FAM135A: variants seen among roughly 807,000 people sequenced by gnomAD.
FAM135A encodes the protein protein FAM135A.
Under a neutral mutation model 146.8 loss-of-function variants are expected in FAM135A, and 79 were observed. That is an observed-to-expected ratio of 0.54 (90% CI 0.45 to 0.65). FAM135A has a LOEUF of 0.65. Among genes scored for constraint, FAM135A ranks in the 30% least tolerant of loss-of-function variants. FAM135A has a pLI of 0.00. For missense variants in FAM135A, 1,623 were observed against 1,758.2 expected, an observed-to-expected ratio of 0.92 and a Z score of 1.38; for synonymous variants, 562 against 603.6, an observed-to-expected ratio of 0.93 and a Z score of 1.01.
At chr6:70,494,210 C>T (rs1388794078) in intron 11 of FAM135A, among the ~76,000 whole-genome samples, 1 of 151,960 alleles carries the variant, frequency 6.6e-6, no homozygotes, top group Non-Finnish European at 1.5e-5. Flanking sequence ...AGCCGGTACA[C>T]TAAAATGAAC....
intron 18 of FAM135A, among the ~76,000 whole-genome samples, chr6:70,534,582 G>C (rs112374062): frequency 0.17 from 25,664 of 151,892 alleles, 2,255 homozygotes; most frequent in Middle Eastern, 0.21. Context: ...AAAGTGCTGG[G>C]ATTACAGATG....
chr6:70,470,769 C>T (rs188752195), intron 5 of FAM135A, among the ~76,000 whole-genome samples: 7 of 152,304 alleles, frequency 4.6e-5, no homozygotes, highest in Non-Finnish European at 8.8e-5. Flanking sequence ...CTGGCTATCA[C>T]ACAGTGAGCT....
At chr6:70,473,084 A>T (rs1271077636) in intron 5 of FAM135A, among the ~76,000 whole-genome samples, 2 of 152,138 alleles carry the variant, frequency 1.3e-5, no homozygotes, top group Non-Finnish European at 2.9e-5. Flanking sequence ...CTGTTTACTC[A>T]ATGGATGTTA....
At chr6:70,541,333 T>G (rs532753595) in intron 20 of FAM135A, among the ~76,000 whole-genome samples, 1 of 152,274 alleles carries the variant, frequency 6.6e-6, no homozygotes, top group African/African-American at 2.4e-5. Flanking sequence ...TTTTTTCACT[T>G]TTTTGGTTTC....
intron 16 of FAM135A, among the ~76,000 whole-genome samples, 164 bp downstream of exon 16, chr6:70,528,616 T>C (rs1219546182): frequency 6.6e-6 from 1 of 152,236 alleles, no homozygotes; most frequent in African/African-American, 2.4e-5. Flanking sequence ...TTAATTTTAA[T>C]TATCCTAAGT....
At chr6:70,494,530 A>G (rs1229325599) in intron 11 of FAM135A, among the ~76,000 whole-genome samples, 2 of 152,068 alleles carry the variant, frequency 1.3e-5, no homozygotes, top group African/African-American at 2.4e-5. Flanking sequence ...ACACAAATGT[A>G]AAGTCTTATT....
chr6:70,502,917 T>G (rs911561762), intron 12 of FAM135A, 126 bp downstream of exon 12: 13 of 978,312 alleles, frequency 1.3e-5, no homozygotes, highest in Non-Finnish European at 1.8e-5. Flanking sequence ...ATTTGTCATA[T>G]TGTTATTGTT....
chr6:70,537,616 A>T (rs970640730), intron 19 of FAM135A, among the ~76,000 whole-genome samples: 1 of 152,202 alleles, frequency 6.6e-6, no homozygotes, highest in East Asian at 1.9e-4. Context: ...GTTTTAACCA[A>T]TTAAAGGATT....
intron 5 of FAM135A, among the ~76,000 whole-genome samples, chr6:70,464,977 C>T (rs993063599): frequency 6.6e-6 from 1 of 151,456 alleles, no homozygotes; most frequent in Non-Finnish European, 1.5e-5. Flanking sequence ...AGCCACCACA[C>T]CTGACCTAAA....
intron 12 of FAM135A, among the ~76,000 whole-genome samples, chr6:70,519,967 A>G (rs996345477): frequency 6.6e-6 from 1 of 152,184 alleles, no homozygotes; most frequent in Non-Finnish European, 1.5e-5. Flanking sequence ...CTTTTAATGC[A>G]CTAGTATTCC....
At chr6:70,468,458 A>G (rs909562973) in intron 5 of FAM135A, among the ~76,000 whole-genome samples, 3 of 152,208 alleles carry the variant, frequency 2.0e-5, no homozygotes, top group East Asian at 1.9e-4. Context: ...CACCACATAC[A>G]TGGTATCCAC....
Position 70,528,394 on chromosome 6 carries a change from A to C in FAM135A, c.3717A>C (p.Glu1239Asp). ...LASSVPYFSV[E>D]EEDGSEDGVH... The stretch of plus-strand genomic sequence containing the variant: ...CCTCAGTACCTTATTTTAGTGTAGA[A>C]GAAGAGGATGGTTCTGAAGATGGAG... Residue 1239 changes from glutamate to aspartate, a missense_variant, in exon 16 of 22, where the codon GAA (glutamate) becomes GAC (aspartate). Glu to Asp is a conservative substitution (Grantham distance 45). Coordinates refer to ENST00000418814, the MANE Select transcript of FAM135A (RefSeq NM_001162529.3). 6.2e-7 allele frequency: 1 copy of C among 1,613,682 alleles called. No individual in the cohort carries two copies. Among genetic ancestry groups the C allele is most frequent in the Admixed American group, 1.7e-5 (1 of 59,950 alleles).
At chr6:70,435,717 TTTTG>T in intron 4 of FAM135A, among the ~76,000 whole-genome samples, 1 of 152,314 alleles carries the variant, frequency 6.6e-6, no homozygotes, top group South Asian at 2.1e-4. Context: ...CTTAAATCCC[TTTTG>T]TTTATGATTC....
At chr6:70,440,344 C>A (rs1774168279) in intron 4 of FAM135A, among the ~76,000 whole-genome samples, 3 of 152,072 alleles carry the variant, frequency 2.0e-5, no homozygotes. Flanking sequence ...TGATGGTACC[C>A]ATTGATGATC....
At chr6:70,539,734 G>A (rs989923457) in intron 20 of FAM135A, among the ~76,000 whole-genome samples, 6 of 151,942 alleles carry the variant, frequency 3.9e-5, no homozygotes, top group African/African-American at 2.4e-5. Context: ...GGTGGCTCAC[G>A]CCTGTAATCC....
At chr6:70,413,965 C>T (rs776284278) in intron 1 of FAM135A, 121 of 985,596 alleles carry the variant, frequency 1.2e-4, no homozygotes, top group Non-Finnish European at 1.4e-4. Flanking sequence ...CCGCCCCTGC[C>T]CCTGCGCGCG....
At chr6:70,417,126 T>A (rs1010795561) in intron 2 of FAM135A, among the ~76,000 whole-genome samples, 3 of 152,268 alleles carry the variant, frequency 2.0e-5, no homozygotes, top group African/African-American at 7.2e-5. Flanking sequence ...TGATAAACTA[T>A]CTCTCAACCG....
chr6:70,444,583 G>GA (rs1282824595), intron 4 of FAM135A, among the ~76,000 whole-genome samples: 1 of 151,510 alleles, frequency 6.6e-6, no homozygotes, highest in Non-Finnish European at 1.5e-5. Flanking sequence ...AAGAATAAAA[G>GA]AAAAAAATTT....
chr6:70,507,764 C>A (rs1248253376), intron 12 of FAM135A, among the ~76,000 whole-genome samples: 1 of 151,496 alleles, frequency 6.6e-6, no homozygotes, highest in African/African-American at 2.4e-5. Context: ...TACAGGTGAC[C>A]CATACTAATT....
Sources: gnomAD v4.1 joint callset for allele counts (sites outside exome capture counted in the v4.1 genomes callset) on GRCh38, gnomAD v4.1.1 for gene constraint, MANE v1.5 for transcripts, NCBI Gene and HGNC (gene_info 2026-07-23, HGNC 2026-07-21) for gene names.